Variants in GNG7 observed in about 807,000 individuals in gnomAD.
GNG7 encodes the protein guanine nucleotide-binding protein G(I)/G(S)/G(O) subunit gamma-7.
GNG7 carries 1 observed loss-of-function variant against 4.0 expected under a neutral mutation model. The ratio of observed to expected loss-of-function variants is 0.25; its 90% CI spans 0.09 to 1.18. GNG7 has a LOEUF of 1.18. GNG7 is among the 50% of genes most tolerant of loss of function. The pLI is 0.50. For synonymous variants in GNG7, 34 were observed against 36.9 expected, an observed-to-expected ratio of 0.92 and a Z score of 0.29; for missense variants, 86 against 91.9, an observed-to-expected ratio of 0.94 and a Z score of 0.26.
intron 2 of GNG7, among the ~76,000 whole-genome samples, chr19:2,596,670 C>T (rs1568256968): frequency 6.6e-6 from 1 of 150,686 alleles, no homozygotes; most frequent in East Asian, 1.9e-4. Flanking sequence ...CCCTGTCCCC[C>T]CCCCAAAAAA....
At chr19:2,547,860 A>G (rs1482423575) in intron 3 of GNG7, among the ~76,000 whole-genome samples, 2 of 152,314 alleles carry the variant, frequency 1.3e-5, no homozygotes, top group East Asian at 3.9e-4. Flanking sequence ...ACCTCCATCC[A>G]TAGCAGGTGC....
chr19:2,567,142 AC>A (rs201857059), intron 2 of GNG7, among the ~76,000 whole-genome samples: 107 of 115,416 alleles, frequency 9.3e-4, no homozygotes, highest in African/African-American at 4.7e-3. Context: ...CAAAAAAAAA[AC>A]AAAAAAAAAA....
chr19:2,528,404 CTA>C (rs1978480632), intron 3 of GNG7, among the ~76,000 whole-genome samples: 1 of 141,878 alleles, frequency 7.0e-6, no homozygotes, highest in South Asian at 2.2e-4. Flanking sequence ...AACCCTGTCT[CTA>C]CTAAAAAAAA....
chr19:2,550,127 T>C (rs1979268615), intron 3 of GNG7, among the ~76,000 whole-genome samples: 1 of 152,080 alleles, frequency 6.6e-6, no homozygotes. Flanking sequence ...GGAAAGAGTG[T>C]TTGGGTTGAG....
intron 3 of GNG7, among the ~76,000 whole-genome samples, chr19:2,524,188 C>G (rs1325711519): frequency 6.6e-6 from 1 of 152,206 alleles, no homozygotes; most frequent in Non-Finnish European, 1.5e-5. Flanking sequence ...CTGCCCTGGG[C>G]AGCCACCGCC....
chr19:2,565,505 C>T (rs937150060), intron 2 of GNG7, among the ~76,000 whole-genome samples: 3 of 135,494 alleles, frequency 2.2e-5, no homozygotes, highest in Non-Finnish European at 4.7e-5. Flanking sequence ...GAGAGAGACT[C>T]TGTCTCAAAA....
intron 3 of GNG7, among the ~76,000 whole-genome samples, chr19:2,537,156 A>G: frequency 6.6e-6 from 1 of 150,700 alleles, no homozygotes; most frequent in Non-Finnish European, 1.5e-5. Context: ...TCACCGTGTT[A>G]GCCAGGATGG....
intron 1 of GNG7, among the ~76,000 whole-genome samples, chr19:2,684,286 G>A (rs552776425): frequency 3.0e-4 from 45 of 151,964 alleles, no homozygotes; most frequent in African/African-American, 1.1e-3. Flanking sequence ...ACAGGGGTCC[G>A]CCACCACGCC....
intron 1 of GNG7, among the ~76,000 whole-genome samples, chr19:2,683,318 C>T (rs1599460648): frequency 6.6e-6 from 1 of 151,892 alleles, no homozygotes; most frequent in African/African-American, 2.4e-5. Context: ...TCTCGAACTC[C>T]TGACCTCAGG....
intron 2 of GNG7, among the ~76,000 whole-genome samples, chr19:2,581,247 C>G (rs916832094): frequency 1.1e-4 from 16 of 150,788 alleles, no homozygotes; most frequent in African/African-American, 2.4e-5. Flanking sequence ...CTCCCCTCCC[C>G]CAACAGAGTT....
rs1335024099 is a variant in GNG7 at position 2,680,256 on chromosome 19, T to C, written c.-135+22390A>G. Among the ~76,000 whole-genome samples the C allele has an allele frequency of 2.0e-5, 3 of 150,826 alleles. No individual in the cohort carries two copies. In the East Asian group the frequency reaches 5.8e-4, roughly 29 times the overall value. On this transcript the variant is annotated intron_variant, in intron 1 of 4. Coordinates refer to ENST00000382159, the MANE Select transcript of GNG7 (RefSeq NM_052847.3). ...TCCACCTCCCAGGTTCAAGTGATTC[T>C]CTCTGCCTTAGCCTCCCCGAGTAAC...
chr19:2,591,456 T>G (rs60336246), intron 2 of GNG7, among the ~76,000 whole-genome samples: 1 of 448 alleles, frequency 2.2e-3, no homozygotes, highest in Non-Finnish European at 5.1e-3. Context: ...ATAAAGGGTT[T>G]TTTTTTTTTT....
intron 3 of GNG7, among the ~76,000 whole-genome samples, chr19:2,523,708 C>T (rs1479433525): frequency 6.6e-6 from 1 of 152,094 alleles, no homozygotes; most frequent in Non-Finnish European, 1.5e-5. Flanking sequence ...TGGCTGCGAT[C>T]CTGCCCATAG....
chr19:2,557,969 G>A lies in GNG7; in HGVS notation c.-77-2781C>T, dbSNP rs761139535. 5.3e-5 allele frequency among the ~76,000 whole-genome samples: 8 copies of A among 152,080 alleles called. No individual in the cohort carries two copies. The highest frequency in any genetic ancestry group is 1.0e-4 in the Non-Finnish European group (7 of 68,012). On this transcript the variant is annotated intron_variant, in intron 2 of 4. Transcript: ENST00000382159. The surrounding 1 kb of genome is among the most constrained non-coding windows in gnomAD (Gnocchi z 5.1). Reference sequence around the variant, plus strand: ...CGACTCTCCTGCCTCAGCCTCTCAAGTAGCTGGGACTACAGGCACGGGCCA... The same window carrying A: ...CGACTCTCCTGCCTCAGCCTCTCAAATAGCTGGGACTACAGGCACGGGCCA...
intron 2 of GNG7, among the ~76,000 whole-genome samples, chr19:2,575,982 G>T (rs1980322839): frequency 7.0e-6 from 1 of 143,814 alleles, no homozygotes; most frequent in African/African-American, 2.6e-5. Context: ...CATGCAGGCA[G>T]ACACACACAT....
intron 2 of GNG7, among the ~76,000 whole-genome samples, chr19:2,566,112 C>T (rs559278599): frequency 5.9e-5 from 9 of 152,058 alleles, no homozygotes; most frequent in Admixed American, 2.0e-4. Context: ...GAGCCAAAAT[C>T]GCACCACTGC....
At chr19:2,654,314 AAACAGCACGGGTCCCCCTCCC>A (rs901055851) in intron 1 of GNG7, among the ~76,000 whole-genome samples, 1 of 152,024 alleles carries the variant, frequency 6.6e-6, no homozygotes, top group African/African-American at 2.4e-5. Context: ...ACACGATCCG[AAACAGCACGGGTCCCCCTCCC>A]AACCCCCAGG....
At chr19:2,695,566 G>A (rs1335428716) in intron 1 of GNG7, among the ~76,000 whole-genome samples, 1 of 152,208 alleles carries the variant, frequency 6.6e-6, no homozygotes, top group Non-Finnish European at 1.5e-5. Flanking sequence ...CAGCGTCCAG[G>A]AAACCCAGGG....
chr19:2,638,502 ATGGAAGGGGAGGGGAG>A (rs1982389612), intron 2 of GNG7, among the ~76,000 whole-genome samples: 1 of 7,294 alleles, frequency 1.4e-4, no homozygotes, highest in African/African-American at 3.8e-4. Flanking sequence ...GGGGAGGGGA[ATGGAAGGGGAGGGGAG>A]GGGAAGGGAA....
Sources: allele counts gnomAD v4.1 joint callset (sites outside exome capture counted in the v4.1 genomes callset), GRCh38; gene constraint gnomAD v4.1.1; non-coding constraint Gnocchi (gnomAD v3.1); transcripts MANE v1.5; gene names NCBI Gene and HGNC (gene_info 2026-07-23, HGNC 2026-07-21).